Variants in DST observed in about 807,000 individuals in gnomAD.
The protein encoded by DST is bullous pemphigoid antigen.
In DST, 253 loss-of-function variants were observed where a neutral mutation model predicts 875.2. The observed-to-expected ratio is 0.29, with a 90% confidence interval of 0.26 to 0.32. The LOEUF (loss-of-function observed/expected upper bound fraction) is 0.32. Among genes scored for constraint, DST ranks in the 10% least tolerant of loss-of-function variants. DST has a pLI of 1.00. For synonymous variants in DST, 3,124 were observed against 3,197.1 expected (o/e 0.98, Z 0.77); for missense variants, 8,287 against 9,111.6 (o/e 0.91, Z 3.68).
chr6:56,757,682 C>G (rs2099607439), intron 4 of DST, among the ~76,000 whole-genome samples: 1 of 152,186 alleles, frequency 6.6e-6, no homozygotes, highest in African/African-American at 2.4e-5. Flanking sequence ...GCATGAGCCC[C>G]TTGCCCCTTC....
At chr6:56,552,114 T>C (rs2097335592) in intron 61 of DST, 70 bp downstream of exon 61, 2 of 1,476,418 alleles carry the variant, frequency 1.4e-6, no homozygotes, top group East Asian at 2.3e-5. Context: ...AAATAGGCAA[T>C]CTCCTTTCTA....
chr6:56,546,594 C>T (rs1260645110), intron 61 of DST, among the ~76,000 whole-genome samples: 1 of 151,526 alleles, frequency 6.6e-6, no homozygotes, highest in Non-Finnish European at 1.5e-5. Context: ...TGAGCACAGA[C>T]ATTTTCTTGT....
At chr6:56,771,967 T>C (rs1413139681) in intron 4 of DST, among the ~76,000 whole-genome samples, 2 of 152,136 alleles carry the variant, frequency 1.3e-5, no homozygotes, top group Non-Finnish European at 2.9e-5. Context: ...ATGACTTATA[T>C]ATAAAGTATT....
At chr6:56,615,508 C>G in intron 36 of DST, 3 of 1,613,960 alleles carry the variant, frequency 1.9e-6, no homozygotes, top group Non-Finnish European at 2.5e-6. Flanking sequence ...GTTATTTAAA[C>G]ATGTCCCATT....
intron 2 of DST, among the ~76,000 whole-genome samples, chr6:56,906,809 AC>A (rs1796620916): frequency 6.6e-6 from 1 of 152,152 alleles, no homozygotes; most frequent in African/African-American, 2.4e-5. Flanking sequence ...GTGCAAGACA[AC>A]GAACCCCGGG....
intron 2 of DST, among the ~76,000 whole-genome samples, chr6:56,922,458 G>C (rs1233089594): frequency 6.6e-6 from 1 of 152,154 alleles, no homozygotes; most frequent in Non-Finnish European, 1.5e-5. Context: ...ATGCCAAGAA[G>C]GTTGGAGCCT....
At chr6:56,901,334 G>A (rs751857565) in intron 2 of DST, among the ~76,000 whole-genome samples, 1 of 152,188 alleles carries the variant, frequency 6.6e-6, no homozygotes, top group Non-Finnish European at 1.5e-5. Context: ...AATGGCTCAC[G>A]CCTGTAATCC....
In DST at chr6:56,478,742, G is replaced by T. The variant is rs934838754; in HGVS notation, c.21532-1254C>A. ...GATTACACAATGAGTGCCAGAGGCC[G>T]CAGAGATCGATGATGCCCATGCTAC... On this transcript the variant is annotated intron_variant, in intron 90 of 103. Coordinates refer to ENST00000680361, the MANE Select transcript of DST (RefSeq NM_001374736.1). Among the ~76,000 whole-genome samples, 6 of 152,244 alleles carry T rather than the reference G, an allele frequency of 3.9e-5. No individual in the cohort carries two copies. The South Asian group carries it at 1.0e-3, about 26-fold the overall frequency.
intron 49 of DST, 148 bp from the exon 50 acceptor site, chr6:56,579,085 G>C: frequency 1.5e-6 from 1 of 654,534 alleles, no homozygotes; most frequent in Non-Finnish European, 2.4e-6. Flanking sequence ...TTACTCCAGA[G>C]TTCTTCGAAT....
At chr6:56,618,919 T>C (rs758033150) in intron 36 of DST, 2 of 1,614,184 alleles carry the variant, frequency 1.2e-6, no homozygotes, top group Non-Finnish European at 1.7e-6. Context: ...CCTGAGCTTG[T>C]TGTAGCTGAA....
intron 2 of DST, among the ~76,000 whole-genome samples, chr6:56,947,458 C>A (rs371953472): frequency 5.9e-5 from 9 of 152,198 alleles, no homozygotes; most frequent in African/African-American, 2.2e-4. Context: ...CCATGTTGAC[C>A]AGGATGTTCT....
At chr6:56,937,221 T>G (rs1175568442) in intron 2 of DST, among the ~76,000 whole-genome samples, 5 of 151,892 alleles carry the variant, frequency 3.3e-5, no homozygotes, top group Non-Finnish European at 7.4e-5. Flanking sequence ...AAAGACACCA[T>G]TAAGTAAATG....
chr6:56,845,682 G>C (rs1392509455), intron 4 of DST, among the ~76,000 whole-genome samples: 1 of 152,200 alleles, frequency 6.6e-6, no homozygotes, highest in Non-Finnish European at 1.5e-5. Flanking sequence ...CACATGTATA[G>C]ACATAGGTCT....
At chr6:56,738,922 C>A (rs1291154805) in intron 4 of DST, among the ~76,000 whole-genome samples, 1 of 151,806 alleles carries the variant, frequency 6.6e-6, no homozygotes, top group African/African-American at 2.4e-5. Context: ...TGTGTCTGAC[C>A]CTAAAATTAT....
intron 3 of DST, among the ~76,000 whole-genome samples, chr6:56,894,680 G>A (rs1243361940): frequency 1.6e-5 from 1 of 62,526 alleles, no homozygotes; most frequent in Non-Finnish European, 2.9e-5. Context: ...CCTCCCTCCC[G>A]GACGGGGCGG....
intron 4 of DST, among the ~76,000 whole-genome samples, chr6:56,792,762 G>A (rs1396769558): frequency 6.6e-6 from 1 of 152,088 alleles, no homozygotes; most frequent in Non-Finnish European, 1.5e-5. Flanking sequence ...CCAGATTGTG[G>A]GACATTATAT....
At chr6:56,595,535 C>G (rs1247028351) in intron 47 of DST, among the ~76,000 whole-genome samples, 1 of 151,484 alleles carries the variant, frequency 6.6e-6, no homozygotes, top group East Asian at 1.9e-4. Context: ...ACAGTGCTGG[C>G]ACACAGGAGC....
chr6:56,636,780 G>C (rs1373891573), intron 22 of DST, 128 bp from the exon 23 acceptor site: 5 of 842,328 alleles, frequency 5.9e-6, no homozygotes, highest in Non-Finnish European at 9.8e-6. Flanking sequence ...GGCAGAATAA[G>C]ACTTGGAAAT....
At chr6:56,730,457 C>G (rs1350098793) in intron 5 of DST, among the ~76,000 whole-genome samples, 1 of 152,002 alleles carries the variant, frequency 6.6e-6, no homozygotes, top group Non-Finnish European at 1.5e-5. Flanking sequence ...AATTTCTAGA[C>G]AGCAAATTGC....
Sources: allele counts gnomAD v4.1 joint callset (sites outside exome capture counted in the v4.1 genomes callset), GRCh38; gene constraint gnomAD v4.1.1; transcripts MANE v1.5; gene names NCBI Gene and HGNC (gene_info 2026-07-23, HGNC 2026-07-21).